The following PROK2 variants were observed in gnomAD, a reference collection of about 807,000 sequenced individuals.
PROK2 encodes prokineticin 2, also known as prokineticin-2.
In PROK2, 8 loss-of-function variants were observed where a neutral mutation model predicts 14.2. That is an observed-to-expected ratio of 0.56 (90% confidence interval 0.33 to 1.02). PROK2 has a LOEUF of 1.02. PROK2 is among the 50% of genes least tolerant of loss of function. The pLI, the probability that PROK2 is intolerant of heterozygous loss-of-function variation, is 0.03. For missense variants in PROK2, 154 were observed against 160.4 expected, an observed-to-expected ratio of 0.96 and a Z score of 0.22; for synonymous variants, 59 against 60.7, an observed-to-expected ratio of 0.97 and a Z score of 0.13.
intron 2 of PROK2, among the ~76,000 whole-genome samples, chr3:71,775,327 C>T (rs2050109852): frequency 6.6e-6 from 1 of 152,158 alleles, no homozygotes; most frequent in East Asian, 1.9e-4. Flanking sequence ...ATCTTAAGTG[C>T]CGAGCATACA....
chr3:71,785,107 T>G lies in PROK2; in HGVS notation c.-55A>C. The G allele has an allele frequency of 8.8e-7, 1 of 1,133,036 alleles. No homozygotes were observed. Among genetic ancestry groups the G allele is most frequent in the Non-Finnish European group, 1.1e-6 (1 of 900,078 alleles). The allele number at this position is 1,133,036 out of a possible 1,614,324, so 70.2% of individuals were successfully genotyped here. ...GGCAGTTGGGGGCGCGGGGCCCGGG[T>G]GCGCTGGGTGGAGCGCGGAGCGGCG... On this transcript the variant is annotated 5_prime_UTR_variant, in exon 1 of 4. Coordinates refer to ENST00000295619, the MANE Select transcript of PROK2 (RefSeq NM_001126128.2).
intron 2 of PROK2, among the ~76,000 whole-genome samples, chr3:71,776,026 A>T (rs1030419605): frequency 4.6e-5 from 7 of 152,202 alleles, no homozygotes; most frequent in African/African-American, 1.7e-4. Flanking sequence ...ATGAAGCCCA[A>T]GAGGCCGAAG....
chr3:71,774,402 C>A, intron 3 of PROK2, 43 bp downstream of exon 3: 1 of 1,551,512 alleles, frequency 6.4e-7, no homozygotes, highest in Non-Finnish European at 8.7e-7. Context: ...GCTAATTCTT[C>A]TGGGCATGTC....
intron 2 of PROK2, among the ~76,000 whole-genome samples, chr3:71,778,453 C>T (rs1005542416): frequency 3.7e-4 from 57 of 152,036 alleles, no homozygotes; most frequent in Admixed American, 6.5e-5. Flanking sequence ...TTAAATAAAA[C>T]AGCAAACTGA....
In PROK2 at chr3:71,776,364, A is replaced by ATTTTTTTTTTTTTT. The variant is rs58407323; in HGVS notation, c.223-1871_223-1858dup. Reference sequence around the variant, plus strand: ...TTTTCTTTTTTTCTTTTCGCTTTTCATTTTTTTTTTTTTTTTTTTTTTTTT... The same window carrying ATTTTTTTTTTTTTT: ...TTTTCTTTTTTTCTTTTCGCTTTTCATTTTTTTTTTTTTTTTTTTTTTTTTTTTTTTTTTTTTTT... On this transcript the variant is annotated intron_variant, in intron 2 of 3. Coordinates refer to ENST00000295619, the MANE Select transcript of PROK2 (RefSeq NM_001126128.2). Among the ~76,000 whole-genome samples, 19 of 75,442 alleles carry ATTTTTTTTTTTTTT rather than the reference A, an allele frequency of 2.5e-4. 2 individuals are homozygous for ATTTTTTTTTTTTTT. Among genetic ancestry groups the ATTTTTTTTTTTTTT allele is most frequent in the African/African-American group, 9.2e-4 (18 of 19,660 alleles). The allele number at this position is 75,442 out of a possible 152,430, so 49.5% of individuals were successfully genotyped here.
chr3:71,781,322 G>A, intron 2 of PROK2, 145 bp downstream of exon 2: 1 of 955,058 alleles, frequency 1.0e-6, no homozygotes, highest in South Asian at 1.5e-5. Context: ...GGAGAGGAGA[G>A]GGGGTAGTTT....
intron 2 of PROK2, 44 bp downstream of exon 2, chr3:71,781,423 T>TA (rs760413276): frequency 6.2e-7 from 1 of 1,606,462 alleles, no homozygotes; most frequent in Non-Finnish European, 8.5e-7. Context: ...TGCTCAGAGT[T>TA]ACCACAGTAG....
Position 71,781,722 on chromosome 3 carries a change from T to A in PROK2, c.97-130A>T, listed in dbSNP as rs950841495. 2.5e-5 allele frequency: 25 copies of A among 997,766 alleles called. No homozygotes were observed. The African/African-American group carries it at 3.4e-4, about 14-fold the overall frequency. The allele number at this position is 997,766 out of a possible 1,614,324, so 61.8% of individuals were successfully genotyped here. ...GACTTTAATAATCAGGTATATTTTT[T>A]AAATGATAACCTTCATTTACTTGTA... On this transcript the variant is annotated intron_variant, in intron 1 of 3. Transcript: ENST00000295619.
chr3:71,774,932 A>G (rs561469986), intron 2 of PROK2, among the ~76,000 whole-genome samples: 1 of 152,190 alleles, frequency 6.6e-6, no homozygotes, highest in East Asian at 1.9e-4. Flanking sequence ...AAACTGCTGC[A>G]TGGGCCAGTG....
rs371540146 is a variant in PROK2 at position 71,785,057 on chromosome 3, C to A, written c.-5G>T. The A allele has an allele frequency of 8.1e-7, 1 of 1,237,316 alleles. No individual in the cohort carries two copies. 76.6% of individuals were successfully genotyped at this position (1,237,316 alleles called of 1,614,324 possible). A position where few individuals can be genotyped will look rare whatever the true frequency, so the allele number is the denominator to read the frequency against. On this transcript the variant is annotated 5_prime_UTR_variant, in exon 1 of 4. Transcript: ENST00000295619. ...GGCGCAGCACAGGCTCCTCATGGCG[C>A]CCTCGGGACTGGGCGGCCGCCGGAG...
At chr3:71,777,246 T>A (rs2050127045) in intron 2 of PROK2, among the ~76,000 whole-genome samples, 1 of 152,240 alleles carries the variant, frequency 6.6e-6, no homozygotes, top group Admixed American at 6.5e-5. Flanking sequence ...ACTGCTATGA[T>A]GCTATCCCAA....
chr3:71,775,005 T>C (rs987265354), intron 2 of PROK2, among the ~76,000 whole-genome samples: 2 of 152,174 alleles, frequency 1.3e-5, no homozygotes, highest in Non-Finnish European at 1.5e-5. Context: ...AATGTCTTCA[T>C]TTGTCACAAC....
rs559547041 is a variant in PROK2 at position 71,771,759 on chromosome 3, G to A, written c.*965C>T. ...CAGCAATACTGATACAGGTACAAAC[G>A]GCAATCCATTACAATCGACCTTTCA... On this transcript the variant is annotated 3_prime_UTR_variant, in exon 4 of 4. Transcript: ENST00000295619. The A allele has an allele frequency of 1.3e-5, 2 of 152,478 alleles. No homozygotes were observed. The highest frequency in any genetic ancestry group is 2.9e-5 in the Non-Finnish European group (2 of 68,024). The allele number at this position is 152,478 out of a possible 1,614,324, so 9.4% of individuals were successfully genotyped here.
At chr3:71,782,587 T>A (rs1277022064) in intron 1 of PROK2, among the ~76,000 whole-genome samples, 1 of 152,188 alleles carries the variant, frequency 6.6e-6, no homozygotes, top group East Asian at 1.9e-4. Flanking sequence ...CCGTGGGCAG[T>A]AATCTGTTTT....
chr3:71,771,701 G>T lies in PROK2; in HGVS notation c.*1023C>A, dbSNP rs1020743360. The T allele has an allele frequency of 6.6e-6, 1 of 152,554 alleles. No individual in the cohort carries two copies. Among genetic ancestry groups the T allele is most frequent in the South Asian group, 2.1e-4 (1 of 4,828 alleles). The allele number at this position is 152,554 out of a possible 1,614,324, so 9.5% of individuals were successfully genotyped here. The stretch of plus-strand genomic sequence containing the variant: ...ATTAAAATAAATCAAATGATATACA[G>T]TACTGTTATTATTCTGATACAGAAT... On this transcript the variant is annotated 3_prime_UTR_variant, in exon 4 of 4. Transcript: ENST00000295619.
intron 2 of PROK2, among the ~76,000 whole-genome samples, chr3:71,775,874 C>T (rs531888088): frequency 1.1e-4 from 17 of 152,104 alleles, no homozygotes; most frequent in Admixed American, 9.8e-4. Flanking sequence ...AATCAAATGC[C>T]CTGCAATGCC....
intron 2 of PROK2, among the ~76,000 whole-genome samples, chr3:71,780,519 T>C (rs2050152854): frequency 2.0e-5 from 3 of 152,206 alleles, no homozygotes; most frequent in African/African-American, 4.8e-5. Flanking sequence ...AGAAAGAACA[T>C]TCTAAAGAGA....
At chr3:71,779,185 T>C (rs1450355425) in intron 2 of PROK2, among the ~76,000 whole-genome samples, 1 of 152,248 alleles carries the variant, frequency 6.6e-6, no homozygotes, top group East Asian at 1.9e-4. Flanking sequence ...ATTCCAGTGA[T>C]CATTTTGTCT....
At chr3:71,783,646 G>C (rs1445664154) in intron 1 of PROK2, among the ~76,000 whole-genome samples, 1 of 152,164 alleles carries the variant, frequency 6.6e-6, no homozygotes, top group East Asian at 1.9e-4. Context: ...ATTGCAAAGG[G>C]ATCTTGGGCT....
Sources: gnomAD v4.1 joint callset for allele counts (sites outside exome capture counted in the v4.1 genomes callset) on GRCh38, gnomAD v4.1.1 for gene constraint, MANE v1.5 for transcripts, NCBI Gene and HGNC (gene_info 2026-07-23, HGNC 2026-07-21) for gene names.